PDHA2: variants seen among roughly 807,000 people sequenced by gnomAD.
The protein encoded by PDHA2 is pyruvate dehydrogenase E1 subunit alpha 2, also known as pyruvate dehydrogenase E1 component subunit alpha, testis-specific form, mitochondrial.
For synonymous variants in PDHA2, 188 were observed against 185.9 expected, an observed-to-expected ratio of 1.01 and a Z score of -0.09; for missense variants, 533 against 495.8, an observed-to-expected ratio of 1.07 and a Z score of -0.71.
chr4:95,840,172 C>G lies in PDHA2; in HGVS notation c.22C>G (p.Arg8Gly). Residue 8 changes from arginine (R) to glycine (G), a missense_variant, in exon 1 of 1, where the codon CGC (arginine) becomes GGC (glycine). Physicochemically the swap from Arg to Gly is moderately radical, Grantham distance 125. Coordinates refer to ENST00000295266, the MANE Select transcript of PDHA2 (RefSeq NM_005390.5). ...GAATATGCTGGCCGCCTTCATCTCC[C>G]GCGTGTTGAGGCGAGTTGCCCAGAA... Reference protein sequence around the residue: MLAAFISRVLRRVAQKSA... With the variant: MLAAFISGVLRRVAQKSA... 6.2e-7 allele frequency: 1 copy of G among 1,612,314 alleles called. No homozygotes were observed. The highest frequency in any genetic ancestry group is 8.5e-7 in the Non-Finnish European group (1 of 1,179,188).
rs769033605 is a variant in PDHA2, at chr4:95,840,131, T to C, written c.-20T>C. Reference sequence around the variant, plus strand: ...GTCGTTACGGGACGCCGCTGCCATCTACAGCACTCCGTGAAGAATATGCTG... The same window carrying C: ...GTCGTTACGGGACGCCGCTGCCATCCACAGCACTCCGTGAAGAATATGCTG... On this transcript the variant is annotated 5_prime_UTR_variant, in exon 1 of 1. Coordinates refer to ENST00000295266, the MANE Select transcript of PDHA2 (RefSeq NM_005390.5). 30 of 1,588,532 alleles carry C rather than the reference T, an allele frequency of 1.9e-5. No individual in the cohort carries two copies. The highest frequency in any genetic ancestry group is 2.4e-5 in the Non-Finnish European group (28 of 1,168,170).
Position 95,841,312 on chromosome 4 carries a change from A to C in PDHA2, c.1162A>C (p.Ser388Arg). Residue 388 changes from serine (S) to arginine (R), a missense_variant, in exon 1 of 1, where the codon AGT becomes CGT. Physicochemically the swap from Ser to Arg is moderately radical, Grantham distance 110. Coordinates refer to ENST00000295266, the MANE Select transcript of PDHA2 (RefSeq NM_005390.5). ...TCCATGGATCAAGTTTAAGTCCGTC[A>C]GTTAAAGGGAGGCTACGTGTGAATT... ...ANPWIKFKSV[S>R] The C allele has an allele frequency of 6.2e-7, 1 of 1,611,310 alleles. No homozygotes were observed. The highest frequency in any genetic ancestry group is 8.5e-7 in the Non-Finnish European group (1 of 1,177,458).
At position 95,841,194 on chromosome 4, in the gene PDHA2, C is replaced by T. The variant is rs762950841; in HGVS notation, c.1044C>T (p.Ala348=). The change falls in exon 1 of 1, where the codon GCC becomes GCT. Residue 348 remains alanine, a synonymous_variant. Transcript: ENST00000295266. ...TGAGGAAAGAAATTGATGATGCTGC[C>T]CAGTTTGCTACCACTGATCCTGAGC... The part of the protein sequence containing the change: ...AEVRKEIDDA[A]QFATTDPEPH... 1.2e-6 allele frequency: 2 copies of T among 1,614,100 alleles called. No homozygotes were observed. Among genetic ancestry groups the T allele is most frequent in the South Asian group, 2.2e-5 (2 of 91,080 alleles).
chr4:95,840,422 T>C lies in PDHA2; in HGVS notation c.272T>C (p.Leu91Pro), dbSNP rs960005197. The C allele has an allele frequency of 6.2e-7, 1 of 1,614,218 alleles. No homozygotes were observed. Among genetic ancestry groups the C allele is most frequent in the Non-Finnish European group, 8.5e-7 (1 of 1,180,046 alleles). ...AAATTCATTCGCGGTTTCTGTCACC[T>C]GTGCGATGGTCAGGAAGCTTGTTGC... is the stretch of plus-strand genomic sequence containing the variant. Reference protein sequence around the residue: ...KQKFIRGFCHLCDGQEACCVG... With the variant: ...KQKFIRGFCHPCDGQEACCVG... The change falls in exon 1 of 1, where the codon CTG (leucine) becomes CCG (proline). Residue 91 changes from leucine to proline, a missense_variant. Physicochemically the swap from Leu to Pro is moderately conservative, Grantham distance 98. Coordinates refer to ENST00000295266, the MANE Select transcript of PDHA2 (RefSeq NM_005390.5).
Position 95,841,364 on chromosome 4 carries a change from C to T in PDHA2, c.*47C>T. The stretch of plus-strand genomic sequence containing the variant: ...ATCATCAGTCTCTCAATGGAATGTT[C>T]ATGGTCAAATTTAAGAAACTGTGTT... On this transcript the variant is annotated 3_prime_UTR_variant, in exon 1 of 1. Transcript: ENST00000295266. 6.9e-7 allele frequency: 1 copy of T among 1,445,714 alleles called. No individual in the cohort carries two copies. The highest frequency in any genetic ancestry group is 9.6e-7 in the Non-Finnish European group (1 of 1,036,380). The allele number at this position is 1,445,714 out of a possible 1,614,324, so 89.6% of individuals were successfully genotyped here.
Position 95,840,427 on chromosome 4 carries a change from G to C in PDHA2, c.277G>C (p.Asp93His). 6.2e-7 allele frequency: 1 copy of C among 1,614,200 alleles called. No homozygotes were observed. The highest frequency in any genetic ancestry group is 8.5e-7 in the Non-Finnish European group (1 of 1,180,044). Residue 93 changes from aspartate to histidine, a missense_variant, in exon 1 of 1, where the codon GAT becomes CAT. By Grantham distance (81) the Asp-to-His change is moderately conservative. Coordinates refer to ENST00000295266, the MANE Select transcript of PDHA2 (RefSeq NM_005390.5). ...KFIRGFCHLC[D>H]GQEACCVGLE... ...CATTCGCGGTTTCTGTCACCTGTGC[G>C]ATGGTCAGGAAGCTTGTTGCGTGGG...
In PDHA2 at chr4:95,840,343, A is replaced by T; in HGVS notation, c.193A>T (p.Met65Leu). The T allele has an allele frequency of 1.9e-6, 3 of 1,614,150 alleles. No individual in the cohort carries two copies. Among genetic ancestry groups the T allele is most frequent in the Non-Finnish European group, 2.5e-6 (3 of 1,179,980 alleles). The change falls in exon 1 of 1, where the codon ATG (methionine) becomes TTG (leucine). Residue 65 changes from methionine (M) to leucine (L), a missense_variant. Transcript: ENST00000295266. Reference protein sequence around the residue: ...TRAEGLKYYRMMLTVRRMELK... With the variant: ...TRAEGLKYYRLMLTVRRMELK... Reference sequence around the variant, plus strand: ...GGCGGAGGGGCTTAAATACTACAGGATGATGCTGACTGTTCGCCGCATGGA... The same window carrying T: ...GGCGGAGGGGCTTAAATACTACAGGTTGATGCTGACTGTTCGCCGCATGGA...
chr4:95,841,007 G>C lies in PDHA2; in HGVS notation c.857G>C (p.Arg286Pro), dbSNP rs147966234. 8.7e-3 allele frequency: 13,972 copies of C among 1,614,054 alleles called. 115 individuals carry two copies. Among genetic ancestry groups the C allele is most frequent in the Middle Eastern group, 0.029 (176 of 6,062 alleles). Residue 286 changes from arginine (R) to proline (P), a missense_variant, in exon 1 of 1, where the codon CGT becomes CCT. Arg to Pro is a moderately radical substitution (Grantham distance 103). Coordinates refer to ENST00000295266, the MANE Select transcript of PDHA2 (RefSeq NM_005390.5). ...ATACTGATGGAGCTGCAAACCTACC[G>C]TTATCATGGACACAGTATGAGTGAT... The part of the protein sequence containing the change: ...GPILMELQTY[R>P]YHGHSMSDPG...
rs1048066810 is a variant in PDHA2, at chr4:95,840,409, G to A, written c.259G>A (p.Gly87Ser). ...DQLYKQKFIR[G>S]FCHLCDGQEA... ...GCTGTACAAACAGAAATTCATTCGC[G>A]GTTTCTGTCACCTGTGCGATGGTCA... The change falls in exon 1 of 1, where the codon GGT becomes AGT. Residue 87 changes from glycine to serine, a missense_variant. Transcript: ENST00000295266. The A allele has an allele frequency of 1.9e-6, 3 of 1,614,190 alleles. No homozygotes were observed. The highest frequency in any genetic ancestry group is 1.3e-5 in the African/African-American group (1 of 75,054).
chr4:95,840,365 T>C lies in PDHA2; in HGVS notation c.215T>C (p.Met72Thr). Residue 72 changes from methionine to threonine, a missense_variant, in exon 1 of 1, where the codon ATG becomes ACG. Coordinates refer to ENST00000295266, the MANE Select transcript of PDHA2 (RefSeq NM_005390.5). ...AGGATGATGCTGACTGTTCGCCGCA[T>C]GGAATTGAAGGCAGATCAGCTGTAC... Reference protein sequence around the residue: ...YYRMMLTVRRMELKADQLYKQ... With the variant: ...YYRMMLTVRRTELKADQLYKQ... 1.2e-6 allele frequency: 2 copies of C among 1,614,220 alleles called. No individual in the cohort carries two copies. Among genetic ancestry groups the C allele is most frequent in the Non-Finnish European group, 1.7e-6 (2 of 1,180,028 alleles).
In PDHA2 at chr4:95,840,180, G is replaced by C; in HGVS notation, c.30G>C (p.Leu10Phe). The C allele has an allele frequency of 6.2e-7, 1 of 1,613,528 alleles. No homozygotes were observed. The highest frequency in any genetic ancestry group is 1.1e-5 in the South Asian group (1 of 90,984). Residue 10 changes from leucine (L) to phenylalanine (F), a missense_variant, in exon 1 of 1, where the codon TTG becomes TTC. Transcript: ENST00000295266. ...TGGCCGCCTTCATCTCCCGCGTGTT[G>C]AGGCGAGTTGCCCAGAAATCAGCTC... The part of the protein sequence containing the change: MLAAFISRV[L>F]RRVAQKSARR...
rs565614168 is a variant in PDHA2, at chr4:95,840,139, T to A, written c.-12T>A. On this transcript the variant is annotated 5_prime_UTR_variant, in exon 1 of 1. Transcript: ENST00000295266. ...GGGACGCCGCTGCCATCTACAGCAC[T>A]CCGTGAAGAATATGCTGGCCGCCTT... is the stretch of plus-strand genomic sequence containing the variant. 6.3e-7 allele frequency: 1 copy of A among 1,595,558 alleles called. No homozygotes were observed. Among genetic ancestry groups the A allele is most frequent in the East Asian group, 2.2e-5 (1 of 44,830 alleles).
In PDHA2 at chr4:95,840,166, A is replaced by G. The variant is rs199746220; in HGVS notation, c.16A>G (p.Ile6Val). MLAAFISRVLRRVAQK... is the reference protein window; with the variant it reads MLAAFVSRVLRRVAQK... ...CGTGAAGAATATGCTGGCCGCCTTC[A>G]TCTCCCGCGTGTTGAGGCGAGTTGC... Residue 6 changes from isoleucine (I) to valine (V), a missense_variant, in exon 1 of 1, where the codon ATC becomes GTC. Ile to Val is a conservative substitution (Grantham distance 29). Transcript: ENST00000295266. 6.8e-6 allele frequency: 11 copies of G among 1,611,426 alleles called. No individual in the cohort carries two copies. In the East Asian group the frequency reaches 1.8e-4, roughly 26 times the overall value.
chr4:95,841,093 A>G lies in PDHA2; in HGVS notation c.943A>G (p.Ile315Val), dbSNP rs767134398. 9 of 1,614,122 alleles carry G rather than the reference A, an allele frequency of 5.6e-6. No homozygotes were observed. Among genetic ancestry groups the G allele is most frequent in the Admixed American group, 1.7e-5 (1 of 60,028 alleles). Reference protein sequence around the residue: ...IQEVRSKRDPIIILQDRMVNS... With the variant: ...IQEVRSKRDPVIILQDRMVNS... ...GGAAGTAAGAAGTAAGAGGGATCCT[A>G]TAATAATTCTCCAAGATAGAATGGT... The change falls in exon 1 of 1, where the codon ATA (isoleucine) becomes GTA (valine). Residue 315 changes from isoleucine to valine, a missense_variant. Physicochemically the swap from Ile to Val is conservative, Grantham distance 29. Transcript: ENST00000295266.
Position 95,840,630 on chromosome 4 carries a change from G to A in PDHA2, c.480G>A (p.Gly160=), listed in dbSNP as rs1165424610. 1.2e-6 allele frequency: 2 copies of A among 1,614,200 alleles called. No individual in the cohort carries two copies. Among genetic ancestry groups the A allele is most frequent in the Admixed American group, 3.3e-5 (2 of 60,030 alleles). Residue 160 remains glycine, a synonymous_variant, in exon 1 of 1, where the codon GGG becomes GGA. Coordinates refer to ENST00000295266, the MANE Select transcript of PDHA2 (RefSeq NM_005390.5). ...SMHMYTKNFY[G]GNGIVGAQGP... Reference sequence around the variant, plus strand: ...ATATGTATACCAAGAACTTCTATGGGGGCAATGGCATCGTCGGTGCACAGG... The same window carrying A: ...ATATGTATACCAAGAACTTCTATGGAGGCAATGGCATCGTCGGTGCACAGG...
rs1723476394 is a variant in PDHA2, at chr4:95,840,319, G to A, written c.169G>A (p.Ala57Thr). The A allele has an allele frequency of 6.2e-6, 10 of 1,614,096 alleles. No homozygotes were observed. Among genetic ancestry groups the A allele is most frequent in the Admixed American group, 1.7e-5 (1 of 60,010 alleles). Residue 57 changes from alanine to threonine, a missense_variant, in exon 1 of 1, where the codon GCG becomes ACG. Transcript: ENST00000295266. ...CCCTGTCACTACAGTGCTCACTAGG[G>A]CGGAGGGGCTTAAATACTACAGGAT... is the stretch of plus-strand genomic sequence containing the variant. ...GPPVTTVLTR[A>T]EGLKYYRMML... is the part of the protein sequence containing the mutation.
Position 95,841,161 on chromosome 4 carries a change from G to C in PDHA2, c.1011G>C (p.Gly337=). Residue 337 remains glycine (G), a synonymous_variant, in exon 1 of 1, where the codon GGG becomes GGC. Coordinates refer to ENST00000295266, the MANE Select transcript of PDHA2 (RefSeq NM_005390.5). The part of the protein sequence containing the change: ...LATVEELKEI[G]AEVRKEIDDA... ...CTGTGGAAGAATTAAAGGAAATTGGGGCTGAGGTGAGGAAAGAAATTGATG... is the reference window on the plus strand; with the variant it reads ...CTGTGGAAGAATTAAAGGAAATTGGCGCTGAGGTGAGGAAAGAAATTGATG... 1 of 1,614,112 alleles carries C rather than the reference G, an allele frequency of 6.2e-7. No homozygotes were observed. The highest frequency in any genetic ancestry group is 1.6e-4 in the Middle Eastern group (1 of 6,062).
chr4:95,840,510 T>C lies in PDHA2; in HGVS notation c.360T>C (p.Gly120=), dbSNP rs776518819. The change falls in exon 1 of 1, where the codon GGT becomes GGC. Residue 120 remains glycine (G), a synonymous_variant. Transcript: ENST00000295266. ...DHVITSYRAH[G]VCYTRGLSVR... is the part of the protein sequence containing the mutation. ...TCATTACATCCTATAGGGCTCATGG[T>C]GTGTGCTATACTCGGGGACTTTCTG... The C allele has an allele frequency of 2.5e-6, 4 of 1,614,158 alleles. No homozygotes were observed. The highest frequency in any genetic ancestry group is 3.4e-6 in the Non-Finnish European group (4 of 1,180,036).
chr4:95,840,318 G>C lies in PDHA2; in HGVS notation c.168G>C (p.Arg56Ser), dbSNP rs901456539. ...EGPPVTTVLT[R>S]AEGLKYYRMM... The stretch of plus-strand genomic sequence containing the variant: ...CCCCTGTCACTACAGTGCTCACTAG[G>C]GCGGAGGGGCTTAAATACTACAGGA... Residue 56 changes from arginine (R) to serine (S), a missense_variant, in exon 1 of 1, where the codon AGG (arginine) becomes AGC (serine). Physicochemically the swap from Arg to Ser is moderately radical, Grantham distance 110. Coordinates refer to ENST00000295266, the MANE Select transcript of PDHA2 (RefSeq NM_005390.5). 3.7e-6 allele frequency: 6 copies of C among 1,614,088 alleles called. No homozygotes were observed. The highest frequency in any genetic ancestry group is 5.1e-6 in the Non-Finnish European group (6 of 1,180,050).
Sources: gnomAD v4.1 joint callset for allele counts on GRCh38, gnomAD v4.1.1 for gene constraint, MANE v1.5 for transcripts, NCBI Gene and HGNC (gene_info 2026-07-23, HGNC 2026-07-21) for gene names.